The following PRKCQ variants were observed in gnomAD, a reference collection of about 807,000 sequenced individuals.
PRKCQ encodes protein kinase C theta type.
A neutral mutation model predicts 91.2 loss-of-function variants in PRKCQ; 41 were observed. The observed-to-expected ratio is 0.45, with a 90% CI of 0.35 to 0.58. PRKCQ has a LOEUF of 0.58. Ranked by LOEUF, PRKCQ falls within the 20% of genes least tolerant of loss-of-function variation. The pLI is 0.00. For synonymous variants in PRKCQ, 307 were observed against 316.9 expected, an observed-to-expected ratio of 0.97 and a Z score of 0.33; for missense variants, 673 against 896.5, an observed-to-expected ratio of 0.75 and a Z score of 3.18.
chr10:6,536,168 G>A (rs1264777601), intron 1 of PRKCQ, among the ~76,000 whole-genome samples: 2 of 152,150 alleles, frequency 1.3e-5, no homozygotes, highest in Non-Finnish European at 2.9e-5. Flanking sequence ...TTGAAGGTCC[G>A]GGCAGCCCAT....
the PRKCQ span, among the ~76,000 whole-genome samples, chr10:6,413,144 G>T: frequency 6.6e-6 from 1 of 151,908 alleles, no homozygotes; most frequent in Admixed American, 6.6e-5. Context: ...AGTAGAGACG[G>T]GGTTTCACCA....
chr10:6,463,441 G>T (rs1172442808), intron 13 of PRKCQ, among the ~76,000 whole-genome samples: 4 of 152,172 alleles, frequency 2.6e-5, no homozygotes, highest in Non-Finnish European at 4.4e-5. Context: ...AAAAATGCCC[G>T]ATGATTTCTC....
intron 1 of PRKCQ, among the ~76,000 whole-genome samples, chr10:6,579,462 C>T (rs571110286): frequency 2.6e-5 from 4 of 152,276 alleles, no homozygotes; most frequent in East Asian, 1.9e-4. Flanking sequence ...GTGGACCTCT[C>T]TTCATGCCCA....
chr10:6,571,782 C>T (rs1841054193), intron 1 of PRKCQ, among the ~76,000 whole-genome samples: 1 of 152,098 alleles, frequency 6.6e-6, no homozygotes. Context: ...CCAACCTGAG[C>T]AACAGAACAA....
chr10:6,518,417 C>T (rs561663222), intron 1 of PRKCQ, among the ~76,000 whole-genome samples: 3 of 152,206 alleles, frequency 2.0e-5, no homozygotes, highest in Non-Finnish European at 2.9e-5. Context: ...GTTAGGCAAA[C>T]ACAGCTGAGA....
Position 6,473,721 on chromosome 10 carries a change from C to T in PRKCQ, c.1353+5271G>A, listed in dbSNP as rs559597428. On this transcript the variant is annotated intron_variant, in intron 12 of 17. Coordinates refer to ENST00000263125, the MANE Select transcript of PRKCQ (RefSeq NM_006257.5). The stretch of plus-strand genomic sequence containing the variant: ...GCTCAACTGAAAGGTTCATGGATTG[C>T]AGCATTTTTGAGAGCTTCAGATGAA... Among the ~76,000 whole-genome samples the T allele has an allele frequency of 4.6e-5, 7 of 152,270 alleles. No individual in the cohort carries two copies. In the East Asian group the frequency reaches 1.2e-3, roughly 25 times the overall value.
At chr10:6,410,297 GTTAC>G in the PRKCQ span, among the ~76,000 whole-genome samples, 3 of 152,196 alleles carry the variant, frequency 2.0e-5, no homozygotes, top group Non-Finnish European at 2.9e-5. Flanking sequence ...CATTTCAAGT[GTTAC>G]TTACTTGACA....
At chr10:6,426,042 A>G (rs1389914855), downstream of PRKCQ, among the ~76,000 whole-genome samples, 2 of 152,174 alleles carry the variant, frequency 1.3e-5, no homozygotes, top group Non-Finnish European at 2.9e-5. Flanking sequence ...AGCTGCCCCC[A>G]GGCCTGCAGC....
downstream of PRKCQ, among the ~76,000 whole-genome samples, chr10:6,426,055 G>A (rs1833112860): frequency 1.3e-5 from 2 of 152,198 alleles, no homozygotes; most frequent in African/African-American, 4.8e-5. Flanking sequence ...CCTGCAGCGA[G>A]TGGAATCCAC....
In PRKCQ at chr10:6,542,193, G is replaced by C. The variant is rs567620687; in HGVS notation, c.-9-27049C>G. On this transcript the variant is annotated intron_variant, in intron 1 of 17. Coordinates refer to ENST00000263125, the MANE Select transcript of PRKCQ (RefSeq NM_006257.5). ...AACTGCTTACCCTCTGTGGGTTTCA[G>C]CTTCTTTGCCTATAAAATGAGGGCC... 2.0e-5 allele frequency among the ~76,000 whole-genome samples: 3 copies of C among 152,314 alleles called. No individual in the cohort carries two copies. The South Asian group carries it at 6.2e-4, about 32-fold the overall frequency.
chr10:6,530,196 G>A (rs1839341936), intron 1 of PRKCQ, among the ~76,000 whole-genome samples: 1 of 152,182 alleles, frequency 6.6e-6, no homozygotes, highest in Admixed American at 6.5e-5. Flanking sequence ...GCCTTCGAGA[G>A]CCTGGGCTCC....
At chr10:6,491,953 G>C in intron 7 of PRKCQ, 141 bp from the exon 8 acceptor site, 1 of 1,280,114 alleles carries the variant, frequency 7.8e-7, no homozygotes, top group East Asian at 2.4e-5. Context: ...ATTGTCACTT[G>C]TCAAGCCCTA....
rs1214395105 is a variant in PRKCQ at position 6,427,943 on chromosome 10, T to A, written c.*264A>T. ...CTTTCCAAGTGCGGAGACCCATCTT[T>A]CAAGTAAATAACTATGGTTAGTAAT... On this transcript the variant is annotated 3_prime_UTR_variant, in exon 18 of 18. Transcript: ENST00000263125. 2.3e-6 allele frequency: 1 copy of A among 434,172 alleles called. No individual in the cohort carries two copies. The allele number at this position is 434,172 out of a possible 1,614,324, so 26.9% of individuals were successfully genotyped here.
the PRKCQ span, among the ~76,000 whole-genome samples, chr10:6,397,173 T>G: frequency 6.6e-6 from 1 of 152,218 alleles, no homozygotes; most frequent in Non-Finnish European, 1.5e-5. Flanking sequence ...CTCAGCCCAC[T>G]GCAAGTTCTG....
rs534342405 is a variant in PRKCQ, at chr10:6,503,025, C to G, written c.379+4411G>C. On this transcript the variant is annotated intron_variant, in intron 4 of 17. Coordinates refer to ENST00000263125, the MANE Select transcript of PRKCQ (RefSeq NM_006257.5). The stretch of plus-strand genomic sequence containing the variant: ...GTTTGTAACACACTTAGCTGTATGA[C>G]TTTTTCTAGCAAAGCCGGGGAGAAT... Among the ~76,000 whole-genome samples, 16 of 152,238 alleles carry G rather than the reference C, an allele frequency of 1.1e-4. No homozygotes were observed. The South Asian group carries it at 1.9e-3, about 18-fold the overall frequency.
intron 4 of PRKCQ, among the ~76,000 whole-genome samples, chr10:6,503,781 A>G (rs956524203): frequency 2.6e-5 from 4 of 151,980 alleles, no homozygotes; most frequent in Admixed American, 1.3e-4. Flanking sequence ...ATTAATTATT[A>G]TTATTATTAT....
At chr10:6,528,225 T>C (rs1399967338) in intron 1 of PRKCQ, among the ~76,000 whole-genome samples, 2 of 152,052 alleles carry the variant, frequency 1.3e-5, no homozygotes, top group South Asian at 2.1e-4. Flanking sequence ...AAACTTTAGC[T>C]CAATAAACCT....
At chr10:6,476,760 A>G (rs1325824322) in intron 12 of PRKCQ, among the ~76,000 whole-genome samples, 1 of 152,222 alleles carries the variant, frequency 6.6e-6, no homozygotes, top group Non-Finnish European at 1.5e-5. Context: ...AGTTTGCTAC[A>G]AGCCTCAAAA....
chr10:6,405,499 AC>A, the PRKCQ span, among the ~76,000 whole-genome samples: 1 of 152,028 alleles, frequency 6.6e-6, no homozygotes, highest in South Asian at 2.1e-4. Flanking sequence ...ACAATAACTT[AC>A]GTGTTTATTA....
Sources: gnomAD v4.1 joint callset for allele counts (sites outside exome capture counted in the v4.1 genomes callset) on GRCh38, gnomAD v4.1.1 for gene constraint, MANE v1.5 for transcripts, NCBI Gene and HGNC (gene_info 2026-07-23, HGNC 2026-07-21) for gene names.